The following SH2D3C variants were observed in gnomAD, a reference collection of about 807,000 sequenced individuals.
SH2D3C encodes the protein SH2 domain containing 3C, also known as SH2 domain-containing protein 3C.
A neutral mutation model predicts 75.2 loss-of-function variants in SH2D3C; 25 were observed. The observed-to-expected ratio is 0.33, with a 90% CI of 0.24 to 0.46. The LOEUF is 0.46. Among genes scored for constraint, SH2D3C ranks in the 20% least tolerant of loss-of-function variants. The pLI is 1.00. For missense variants in SH2D3C, 933 were observed against 1,165.3 expected (o/e 0.80, Z 2.90); for synonymous variants, 450 against 473.7 (o/e 0.95, Z 0.65).
intron 8 of SH2D3C, 23 bp downstream of exon 8, chr9:127,742,826 C>A: frequency 6.3e-7 from 1 of 1,586,486 alleles, no homozygotes; most frequent in South Asian, 1.1e-5. Flanking sequence ...CCCGCGAGTC[C>A]CCGGGTGCCG....
Position 127,744,747 on chromosome 9 carries a change from G to C in SH2D3C, c.1617C>G (p.Gly539=). The change falls in exon 7 of 12, where the codon GGC becomes GGG. Residue 539 remains glycine (G), a synonymous_variant. Transcript: ENST00000314830. Reference sequence around the variant, plus strand: ...CCACGATGGGGACTGTGAAGGTCTTGCCCCAGTCCCCTTCAGGGGCCCCAT... The same window carrying C: ...CCACGATGGGGACTGTGAAGGTCTTCCCCCAGTCCCCTTCAGGGGCCCCAT... ...SENGAPEGDW[G]KTFTVPIVEV... is the part of the protein sequence containing the mutation. 6.2e-7 allele frequency: 1 copy of C among 1,614,238 alleles called. No individual in the cohort carries two copies. The highest frequency in any genetic ancestry group is 8.5e-7 in the Non-Finnish European group (1 of 1,180,042).
chr9:127,740,277 C>T lies in SH2D3C; in HGVS notation c.2181G>A (p.Lys727=), dbSNP rs768906819. 3.1e-6 allele frequency: 5 copies of T among 1,614,096 alleles called. No individual in the cohort carries two copies. Among genetic ancestry groups the T allele is most frequent in the African/African-American group, 1.3e-5 (1 of 75,050 alleles). ...LYEKKLKPFL[K]SLNEGKEGPP... ...AAGTACCTTTGCCCTCGTTGAGGCTCTTGAGAAAAGGCTTGAGCTTCTTCT... is the reference window on the plus strand; with the variant it reads ...AAGTACCTTTGCCCTCGTTGAGGCTTTTGAGAAAAGGCTTGAGCTTCTTCT... Residue 727 remains lysine, a synonymous_variant, in exon 10 of 12, where the codon AAG becomes AAA. Coordinates refer to ENST00000314830, the MANE Select transcript of SH2D3C (RefSeq NM_170600.3).
intron 3 of SH2D3C, among the ~76,000 whole-genome samples, chr9:127,756,128 T>C (rs916604130): frequency 4.6e-5 from 7 of 152,086 alleles, no homozygotes; most frequent in Non-Finnish European, 1.0e-4. Flanking sequence ...GGTGAAACCC[T>C]GTCTCTACTA....
At position 127,751,325 on chromosome 9, in the gene SH2D3C, G is replaced by T; in HGVS notation, c.556-25C>A. The stretch of plus-strand genomic sequence containing the variant: ...ACTGGGTAGAAAACAGCAAGAGTTG[G>T]CATCCAACTTAAAGTCTCCTTCTTC... On this transcript the variant is annotated intron_variant, in intron 3 of 11. Transcript: ENST00000314830. The surrounding 1 kb of genome is among the most constrained non-coding windows in gnomAD (Gnocchi z 4.1). 1.2e-6 allele frequency: 2 copies of T among 1,610,996 alleles called. No homozygotes were observed. The highest frequency in any genetic ancestry group is 1.7e-5 in the Admixed American group (1 of 59,944).
At chr9:127,741,734 C>A (rs957755097) in intron 9 of SH2D3C, 54 bp downstream of exon 9, 123 of 1,581,950 alleles carry the variant, frequency 7.8e-5, no homozygotes, top group Admixed American at 2.4e-4. Flanking sequence ...CAAAGGCACC[C>A]CAGGGCTCTT....
chr9:127,755,085 C>T (rs1845334536), intron 3 of SH2D3C: 2 of 1,209,036 alleles, frequency 1.7e-6, no homozygotes, highest in Admixed American at 4.4e-5. Context: ...TCACCTGCAC[C>T]TGCACGAAGG....
chr9:127,740,689 T>C (rs1160250286), intron 9 of SH2D3C, among the ~76,000 whole-genome samples: 5 of 152,254 alleles, frequency 3.3e-5, no homozygotes, highest in Non-Finnish European at 7.3e-5. Context: ...TTTTTTATTA[T>C]TTTGTTTTTG....
chr9:127,769,829 C>G (rs149232424), intron 2 of SH2D3C, among the ~76,000 whole-genome samples: 6 of 152,306 alleles, frequency 3.9e-5, no homozygotes, highest in African/African-American at 1.4e-4. Flanking sequence ...GTCCCTTCCC[C>G]TCTCTGAGTC....
At chr9:127,772,345 G>A (rs983514744) in intron 2 of SH2D3C, among the ~76,000 whole-genome samples, 1 of 148,618 alleles carries the variant, frequency 6.7e-6, no homozygotes, top group Non-Finnish European at 1.5e-5. Flanking sequence ...CCAGGTTCAA[G>A]CAATTCTGAT....
intron 2 of SH2D3C, among the ~76,000 whole-genome samples, chr9:127,768,040 C>T (rs1306694346): frequency 6.6e-6 from 1 of 152,198 alleles, no homozygotes; most frequent in Non-Finnish European, 1.5e-5. Context: ...CCCAAGGCGT[C>T]CGGGGGTCTC....
chr9:127,768,987 C>T (rs899247893), intron 2 of SH2D3C, among the ~76,000 whole-genome samples: 1 of 152,226 alleles, frequency 6.6e-6, no homozygotes, highest in Non-Finnish European at 1.5e-5. Context: ...TAAATTGGCA[C>T]CACCAGCCAC....
rs200394968 is a variant in SH2D3C, at chr9:127,740,363, G to A, written c.2095C>T (p.Arg699Trp). The change falls in exon 10 of 12, where the codon CGG becomes TGG. Residue 699 changes from arginine to tryptophan, a missense_variant. Arg to Trp is a moderately radical substitution (Grantham distance 101). Transcript: ENST00000314830. ...AGGGTCACCCATGTCTGCTCCAGCC[G>A]AGAAATCTGGGGAGGCCAAACTGTG... is the stretch of plus-strand genomic sequence containing the variant. ...MGALDMAQISRLEQTWVTLRQ... is the reference protein window; with the variant it reads ...MGALDMAQISWLEQTWVTLRQ... The A allele has an allele frequency of 8.1e-6, 13 of 1,613,902 alleles. No individual in the cohort carries two copies. The highest frequency in any genetic ancestry group is 2.2e-5 in the East Asian group (1 of 44,882).
chr9:127,771,045 C>A (rs1845726411), intron 2 of SH2D3C: 1 of 591,380 alleles, frequency 1.7e-6, no homozygotes, highest in East Asian at 3.3e-5. Flanking sequence ...GACAAAGTTA[C>A]ACCCAAAGAA....
intron 1 of SH2D3C, among the ~76,000 whole-genome samples, chr9:127,778,154 A>AT (rs1405003899): frequency 6.6e-6 from 1 of 151,452 alleles, no homozygotes; most frequent in African/African-American, 2.4e-5. Context: ...TACCCAGCTA[A>AT]TTTTTTGTAT....
chr9:127,742,037 T>C (rs1588490408), intron 8 of SH2D3C, 78 bp from the exon 9 acceptor site: 2 of 1,409,284 alleles, frequency 1.4e-6, no homozygotes, highest in Non-Finnish European at 1.9e-6. Flanking sequence ...CTGCCTGTGG[T>C]TGGGCCGGGA....
At chr9:127,770,535 G>A (rs1422410833) in intron 2 of SH2D3C, among the ~76,000 whole-genome samples, 1 of 152,172 alleles carries the variant, frequency 6.6e-6, no homozygotes, top group Non-Finnish European at 1.5e-5. Flanking sequence ...GCACAGGGTT[G>A]AGGTTCAGGG....
In SH2D3C at chr9:127,749,464, G is replaced by C; in HGVS notation, c.886C>G (p.Leu296Val). 5 of 1,614,202 alleles carry C rather than the reference G, an allele frequency of 3.1e-6. No homozygotes were observed. Among genetic ancestry groups the C allele is most frequent in the Non-Finnish European group, 4.2e-6 (5 of 1,180,040 alleles). ...CGGCTGCCCACATGATAGCGCACGA[G>C]GGCGGGCACGTGGTCAAAGCTCTCC... ...EQESFDHVPA[L>V]VRYHVGSRKA... The change falls in exon 5 of 12, where the codon CTC (leucine) becomes GTC (valine). Residue 296 changes from leucine to valine, a missense_variant. Physicochemically the swap from Leu to Val is conservative, Grantham distance 32. Coordinates refer to ENST00000314830, the MANE Select transcript of SH2D3C (RefSeq NM_170600.3). This position sits in a 1 kb window ranked among gnomAD's most constrained non-coding sequence, Gnocchi z 5.9.
intron 2 of SH2D3C, among the ~76,000 whole-genome samples, chr9:127,769,874 G>C (rs541365040): frequency 6.6e-6 from 1 of 152,186 alleles, no homozygotes; most frequent in South Asian, 2.1e-4. Flanking sequence ...AGCAAGTAGA[G>C]GCTCCCACCT....
At chr9:127,747,376 G>A (rs549782633) in intron 5 of SH2D3C, 105 bp from the exon 6 acceptor site, 7 of 1,111,846 alleles carry the variant, frequency 6.3e-6, no homozygotes, top group Non-Finnish European at 8.6e-6. Flanking sequence ...GGCAGAGAAG[G>A]CTTGGAGATT....
Sources: allele counts gnomAD v4.1 joint callset (sites outside exome capture counted in the v4.1 genomes callset), GRCh38; gene constraint gnomAD v4.1.1; non-coding constraint Gnocchi (gnomAD v3.1); transcripts MANE v1.5; gene names NCBI Gene and HGNC (gene_info 2026-07-23, HGNC 2026-07-21).